Variants in DOCK8 observed in about 807,000 individuals in gnomAD.
The protein encoded by DOCK8 is dedicator of cytokinesis protein 8.
Under a neutral mutation model 245.6 loss-of-function variants are expected in DOCK8, and 141 were observed. The observed-to-expected ratio is 0.57, with a 90% CI of 0.50 to 0.66. The LOEUF (loss-of-function observed/expected upper bound fraction) is 0.66, where lower values mean the gene tolerates loss of function less well. DOCK8 is among the 30% of genes least tolerant of loss of function. DOCK8 has a pLI of 0.00. For missense variants in DOCK8, 2,965 were observed against 2,603.4 expected (o/e 1.14, Z -3.02); for synonymous variants, 1,168 against 970.2 (o/e 1.20, Z -3.79).
rs576590146 is a variant in DOCK8, at chr9:273,008, T to C, written c.156+1279T>C. The C allele has an allele frequency of 2.3e-5, 23 of 985,018 alleles. 1 individual carries two copies. In the South Asian group the frequency reaches 1.0e-3, roughly 44 times the overall value. 61.0% of individuals were successfully genotyped at this position (985,018 alleles called of 1,614,324 possible). A position where few individuals can be genotyped will look rare whatever the true frequency, so the allele number is the denominator to read the frequency against. ...TATTACTTCGAAACCACTTCTGCCT[T>C]AGAAATTTTGTAACCTTCCGCTCAG... On this transcript the variant is annotated intron_variant, in intron 2 of 47. Coordinates refer to ENST00000432829, the MANE Select transcript of DOCK8 (RefSeq NM_203447.4).
At chr9:387,466 G>GGGTAAATAT (rs1405056187) in intron 23 of DOCK8, among the ~76,000 whole-genome samples, 4 of 151,714 alleles carry the variant, frequency 2.6e-5, no homozygotes, top group African/African-American at 9.7e-5. Context: ...AAGAAAAAAA[G>GGGTAAATAT]GGTAAATATG....
At chr9:238,301 C>T (rs539501376) in intron 1 of DOCK8, among the ~76,000 whole-genome samples, 51 of 152,154 alleles carry the variant, frequency 3.4e-4, no homozygotes, top group Non-Finnish European at 5.0e-4. Context: ...AAATAAAAAG[C>T]GTGAAAATGC....
chr9:464,468 G>C lies in DOCK8; in HGVS notation c.*249G>C, dbSNP rs1285242102. On this transcript the variant is annotated 3_prime_UTR_variant, in exon 48 of 48. Transcript: ENST00000432829. The stretch of plus-strand genomic sequence containing the variant: ...CAGGCATGACTGCGTATTTATTAAA[G>C]TGTGTTTTTCCACAATGTACCAAAC... 1 of 576,752 alleles carries C rather than the reference G, an allele frequency of 1.7e-6. No individual in the cohort carries two copies. Among genetic ancestry groups the C allele is most frequent in the African/African-American group, 1.9e-5 (1 of 53,344 alleles). 35.7% of individuals were successfully genotyped at this position (576,752 alleles called of 1,614,324 possible). A position where few individuals can be genotyped will look rare whatever the true frequency, so the allele number is the denominator to read the frequency against.
At chr9:370,182 G>A (rs753556276) in intron 15 of DOCK8, 48 bp from the exon 16 acceptor site, 13 of 1,470,934 alleles carry the variant, frequency 8.8e-6, no homozygotes, top group East Asian at 2.3e-5. Context: ...TCAATTTGAT[G>A]TACCCAAATG....
At chr9:330,409 A>G (rs943088309) in intron 9 of DOCK8, among the ~76,000 whole-genome samples, 1 of 152,182 alleles carries the variant, frequency 6.6e-6, no homozygotes, top group African/African-American at 2.4e-5. Context: ...AGTCTTGCAG[A>G]TGTTAAATTT....
At position 299,301 on chromosome 9, in the gene DOCK8, A is replaced by G. The variant is rs576287827; in HGVS notation, c.405-5280A>G. On this transcript the variant is annotated intron_variant, in intron 4 of 47. Transcript: ENST00000432829. ...TATTTGTGAGAGTGACTGTTAAGAA[A>G]CTAGCAGGTTTATAAAATCCGTGTG... Among the ~76,000 whole-genome samples, 110 of 152,270 alleles carry G rather than the reference A, an allele frequency of 7.2e-4. No individual in the cohort carries two copies. In the South Asian group the frequency reaches 0.022, roughly 30 times the overall value.
intron 20 of DOCK8, among the ~76,000 whole-genome samples, chr9:378,094 C>A (rs1027070904): frequency 6.6e-6 from 1 of 152,156 alleles, no homozygotes; most frequent in Non-Finnish European, 1.5e-5. Flanking sequence ...GCATCTCAGA[C>A]CTCAGAGGAC....
At chr9:424,876 A>C (rs2056422742) in intron 33 of DOCK8, among the ~76,000 whole-genome samples, 1 of 152,154 alleles carries the variant, frequency 6.6e-6, no homozygotes, top group Admixed American at 6.5e-5. Flanking sequence ...AGATTAGGAC[A>C]CTCTAGATTT....
chr9:224,338 A>T (rs602742), intron 1 of DOCK8, among the ~76,000 whole-genome samples: 92,757 of 152,082 alleles, frequency 0.61, 29,010 homozygotes, highest in East Asian at 0.75. Flanking sequence ...ATAACATGTT[A>T]ATTTTTAAAT....
intron 6 of DOCK8, among the ~76,000 whole-genome samples, chr9:314,077 C>T (rs916068256): frequency 2.6e-5 from 4 of 152,176 alleles, no homozygotes; most frequent in Non-Finnish European, 5.9e-5. Context: ...GGCCCTAACC[C>T]GCTAACTACA....
intron 16 of DOCK8, among the ~76,000 whole-genome samples, chr9:371,170 G>GTTTTTT (rs149107240): frequency 2.0e-5 from 3 of 151,304 alleles, no homozygotes; most frequent in African/African-American, 7.3e-5. Flanking sequence ...GTGTGGGGGA[G>GTTTTTT]TTGTTTTTTG....
Position 339,164 on chromosome 9 carries a change from T to G in DOCK8, c.1516+65T>G, listed in dbSNP as rs145544956. ...AACTGCTTATCGTTAGACACAGTCT[T>G]TGTCTAATGCCAGAATTTATAAAAT... is the stretch of plus-strand genomic sequence containing the variant. On this transcript the variant is annotated intron_variant, in intron 13 of 47. Coordinates refer to ENST00000432829, the MANE Select transcript of DOCK8 (RefSeq NM_203447.4). 5.5e-3 allele frequency: 7,162 copies of G among 1,305,248 alleles called. 72 individuals carry two copies. Among genetic ancestry groups the G allele is most frequent in the South Asian group, 0.022 (1,805 of 83,810 alleles). The allele number at this position is 1,305,248 out of a possible 1,614,324, so 80.9% of individuals were successfully genotyped here. A position where few individuals can be genotyped will look rare whatever the true frequency, so the allele number is the denominator to read the frequency against.
chr9:276,128 T>C (rs3008075), intron 2 of DOCK8, among the ~76,000 whole-genome samples: 29,650 of 151,962 alleles, frequency 0.2, 3,185 homozygotes, highest in African/African-American at 0.28. Flanking sequence ...TGACCTCAGG[T>C]GATCCGCCCG....
At chr9:266,648 T>C (rs2048040102) in intron 1 of DOCK8, among the ~76,000 whole-genome samples, 1 of 152,154 alleles carries the variant, frequency 6.6e-6, no homozygotes, top group African/African-American at 2.4e-5. Context: ...CAATTGTATA[T>C]CATAATTATC....
At chr9:414,148 T>TA (rs1349680122) in intron 28 of DOCK8, among the ~76,000 whole-genome samples, 2 of 148,112 alleles carry the variant, frequency 1.4e-5, no homozygotes, top group Non-Finnish European at 3.0e-5. Context: ...AAAAAAAAGT[T>TA]AAACAGACAG....
intron 1 of DOCK8, among the ~76,000 whole-genome samples, chr9:248,549 C>CTT (rs796921491): frequency 0.019 from 987 of 50,692 alleles, 9 homozygotes; most frequent in African/African-American, 0.061. Flanking sequence ...TTCTTTCTTT[C>CTT]TCTCTCTCTC....
intron 1 of DOCK8, among the ~76,000 whole-genome samples, chr9:261,172 T>TTGTACAATATG (rs1353472238): frequency 1.3e-5 from 2 of 152,066 alleles, no homozygotes; most frequent in African/African-American, 4.8e-5. Flanking sequence ...GAGGGAGACA[T>TTGTACAATATG]TGTACAATAT....
chr9:424,062 CTTTTT>C (rs35430451), intron 33 of DOCK8, among the ~76,000 whole-genome samples: 1 of 147,082 alleles, frequency 6.8e-6, no homozygotes, highest in African/African-American at 2.5e-5. Flanking sequence ...GGGCTTTGTG[CTTTTT>C]TTTTTTTTTT....
At chr9:237,461 C>G (rs2047280047) in intron 1 of DOCK8, among the ~76,000 whole-genome samples, 1 of 152,196 alleles carries the variant, frequency 6.6e-6, no homozygotes, top group South Asian at 2.1e-4. Flanking sequence ...TCAAGACCAG[C>G]CTGGGCAAAG....
Sources: gnomAD v4.1 joint callset for allele counts (sites outside exome capture counted in the v4.1 genomes callset) on GRCh38, gnomAD v4.1.1 for gene constraint, MANE v1.5 for transcripts, NCBI Gene and HGNC (gene_info 2026-07-23, HGNC 2026-07-21) for gene names.